Variants in DERA observed in about 807,000 individuals in gnomAD.
DERA encodes the protein 2-deoxy-D-ribose 5-phosphate aldolase.
DERA carries 15 observed loss-of-function variants against 41.1 expected under a neutral mutation model. The observed-to-expected ratio is 0.37, with a 90% CI of 0.24 to 0.56. DERA has a LOEUF of 0.56. Among genes scored for constraint, DERA ranks in the 20% least tolerant of loss-of-function variants. The probability of loss-of-function intolerance (pLI) is 0.81; values close to 1 mark genes in which losing one functional copy is unlikely to be tolerated. For synonymous variants in DERA, 139 were observed against 137.4 expected (o/e 1.01, Z -0.08); for missense variants, 396 against 403.4 (o/e 0.98, Z 0.16).
chr12:16,028,828 A>T (rs1179254460), intron 6 of DERA, among the ~76,000 whole-genome samples: 1 of 152,206 alleles, frequency 6.6e-6, no homozygotes, highest in Non-Finnish European at 1.5e-5. Flanking sequence ...GTACTTTCAA[A>T]ACTGTCAAGA....
At position 15,943,605 on chromosome 12, in the gene DERA, A is replaced by G. The variant is rs1456346934; in HGVS notation, c.32-13331A>G. Reference sequence around the variant, plus strand: ...ACACAGTACATGCCACACAGTACACACGGGTTTGAAACAGAACTTCCACGA... The same window carrying G: ...ACACAGTACATGCCACACAGTACACGCGGGTTTGAAACAGAACTTCCACGA... On this transcript the variant is annotated intron_variant, in intron 1 of 8. Coordinates refer to ENST00000428559, the MANE Select transcript of DERA (RefSeq NM_015954.4). The surrounding 1 kb of genome is among the most constrained non-coding windows in gnomAD (Gnocchi z 4.5). 6.6e-6 allele frequency among the ~76,000 whole-genome samples: 1 copy of G among 152,076 alleles called. No homozygotes were observed. Among genetic ancestry groups the G allele is most frequent in the African/African-American group, 2.4e-5 (1 of 41,404 alleles).
chr12:15,961,174 G>A (rs1379485875), intron 4 of DERA, among the ~76,000 whole-genome samples: 4 of 152,334 alleles, frequency 2.6e-5, no homozygotes, highest in South Asian at 4.1e-4. Flanking sequence ...CCTGATAAAA[G>A]CCACACAAAA....
chr12:15,928,025 A>G lies in DERA; in HGVS notation c.31+16611A>G, dbSNP rs1257831454. ...GTTAAAACTTTTTAAATTGGAAAAT[A>G]ATAATTATCTATTTAGGGGATACAA... On this transcript the variant is annotated intron_variant, in intron 1 of 8. Transcript: ENST00000428559. This position sits in a 1 kb window ranked among gnomAD's most constrained non-coding sequence, Gnocchi z 4.6. Among the ~76,000 whole-genome samples the G allele has an allele frequency of 2.9e-5, 4 of 138,764 alleles. No homozygotes were observed. In the East Asian group the frequency reaches 7.9e-4, roughly 27 times the overall value. 91.0% of individuals were successfully genotyped at this position (138,764 alleles called of 152,430 possible). A position where few individuals can be genotyped will look rare whatever the true frequency, so the allele number is the denominator to read the frequency against.
intron 4 of DERA, among the ~76,000 whole-genome samples, chr12:15,961,291 G>GTA (rs1948585917): frequency 1.3e-5 from 2 of 152,162 alleles, no homozygotes; most frequent in South Asian, 4.1e-4. Flanking sequence ...TGGTAAATGT[G>GTA]TATCTGTGTG....
intron 1 of DERA, among the ~76,000 whole-genome samples, chr12:15,944,632 C>T (rs1948433286): frequency 6.6e-6 from 1 of 152,196 alleles, no homozygotes; most frequent in African/African-American, 2.4e-5. Context: ...GATATTAGCC[C>T]TTTGTCAAAT....
At chr12:15,949,702 T>C (rs969554980) in intron 1 of DERA, among the ~76,000 whole-genome samples, 6 of 152,118 alleles carry the variant, frequency 3.9e-5, no homozygotes, top group Non-Finnish European at 8.8e-5. Context: ...CTGCACCCAC[T>C]GTCCTGCACC....
chr12:16,032,410 T>C, intron 6 of DERA, 132 bp from the exon 7 acceptor site: 1 of 593,288 alleles, frequency 1.7e-6, no homozygotes, highest in Non-Finnish European at 2.9e-6. Flanking sequence ...GTTTTAGTTT[T>C]TCCAATAATT....
rs1160183543 is a variant in DERA at position 16,019,865 on chromosome 12, A to G, written c.638-12677A>G. On this transcript the variant is annotated intron_variant, in intron 6 of 8. Coordinates refer to ENST00000428559, the MANE Select transcript of DERA (RefSeq NM_015954.4). The surrounding 1 kb of genome is among the most constrained non-coding windows in gnomAD (Gnocchi z 4.4). ...TGAAATGTGATTCCCAGTGTTAGAG[A>G]TGGGGCCTGGTGGGAGGGGATTGGA... Among the ~76,000 whole-genome samples, 1 of 152,100 alleles carries G rather than the reference A, an allele frequency of 6.6e-6. No individual in the cohort carries two copies. Among genetic ancestry groups the G allele is most frequent in the African/African-American group, 2.4e-5 (1 of 41,418 alleles).
chr12:15,946,264 C>T (rs1226891168), intron 1 of DERA, among the ~76,000 whole-genome samples: 1 of 152,146 alleles, frequency 6.6e-6, no homozygotes, highest in African/African-American at 2.4e-5. Context: ...GGGAGGATTC[C>T]CTCTTTTTCT....
intron 6 of DERA, among the ~76,000 whole-genome samples, chr12:16,005,255 G>A (rs1948901283): frequency 6.6e-6 from 1 of 152,050 alleles, no homozygotes; most frequent in Non-Finnish European, 1.5e-5. Flanking sequence ...ACCAGCCTGG[G>A]CAATGTAGGA....
In DERA at chr12:15,999,770, C is replaced by A. The variant is rs1376676900; in HGVS notation, c.637+17334C>A. 6.6e-6 allele frequency among the ~76,000 whole-genome samples: 1 copy of A among 152,078 alleles called. No homozygotes were observed. The highest frequency in any genetic ancestry group is 1.5e-5 in the Non-Finnish European group (1 of 68,014). ...TGAATGATTGACTGAGTAACTCATTCATTCATTCATTTATTCAGTCGTTAG... is the reference window on the plus strand; with the variant it reads ...TGAATGATTGACTGAGTAACTCATTAATTCATTCATTTATTCAGTCGTTAG... On this transcript the variant is annotated intron_variant, in intron 6 of 8. Coordinates refer to ENST00000428559, the MANE Select transcript of DERA (RefSeq NM_015954.4). The surrounding 1 kb of genome is among the most constrained non-coding windows in gnomAD (Gnocchi z 5.3).
Position 15,986,676 on chromosome 12 carries a change from A to G in DERA, c.637+4240A>G, listed in dbSNP as rs575891377. 3.8e-4 allele frequency among the ~76,000 whole-genome samples: 58 copies of G among 152,040 alleles called. 2 individuals are homozygous for G. In the South Asian group the frequency reaches 0.01, roughly 27 times the overall value. On this transcript the variant is annotated intron_variant, in intron 6 of 8. Transcript: ENST00000428559. ...TATATATTACAAACCTCTTACTACA[A>G]TGATACGAATTTTTAACAGTCACTT...
rs1565588727 is a variant in DERA at position 15,936,936 on chromosome 12, T to TCCCG, written c.32-20000_32-19999insCCCG. 0.039 allele frequency among the ~76,000 whole-genome samples: 4,540 copies of TCCCG among 117,018 alleles called. 147 individuals are homozygous for TCCCG. The highest frequency in any genetic ancestry group is 0.056 in the Middle Eastern group (12 of 216). The allele number at this position is 117,018 out of a possible 152,430, so 76.8% of individuals were successfully genotyped here. A position where few individuals can be genotyped will look rare whatever the true frequency, so the allele number is the denominator to read the frequency against. ...CTGTCCTGTCCTGTCCTGTCCTGTC[T>TCCCG]TGTCCTGTCCCGTCCTGTCCTGCCC... On this transcript the variant is annotated intron_variant, in intron 1 of 8. Coordinates refer to ENST00000428559, the MANE Select transcript of DERA (RefSeq NM_015954.4). This position sits in a 1 kb window ranked among gnomAD's most constrained non-coding sequence, Gnocchi z 4.6.
intron 6 of DERA, among the ~76,000 whole-genome samples, chr12:16,025,271 T>TA (rs1949045803): frequency 6.6e-6 from 1 of 152,058 alleles, no homozygotes; most frequent in Non-Finnish European, 1.5e-5. Context: ...ATAGAGATGA[T>TA]AAAAAATCAA....
At chr12:15,945,396 TTGA>T (rs1017028642) in intron 1 of DERA, among the ~76,000 whole-genome samples, 9 of 152,330 alleles carry the variant, frequency 5.9e-5, no homozygotes, top group Middle Eastern at 3.4e-3. Context: ...TGTGTCCTCT[TTGA>T]TTTCGTTGAG....
intron 1 of DERA, among the ~76,000 whole-genome samples, chr12:15,946,998 A>C (rs1379886613): frequency 3.3e-5 from 5 of 152,216 alleles, no homozygotes; most frequent in African/African-American, 1.2e-4. Flanking sequence ...GTAGTTATTC[A>C]GGAGCAGGTT....
chr12:16,019,083 C>G lies in DERA; in HGVS notation c.638-13459C>G, dbSNP rs12301055. On this transcript the variant is annotated intron_variant, in intron 6 of 8. Transcript: ENST00000428559. The surrounding 1 kb of genome is among the most constrained non-coding windows in gnomAD (Gnocchi z 4.4). ...GTAGTGCTGTGTGGTGTTGGTAATT[C>G]AAAATGTAGCATTTATTTCTCTAAA... 0.073 allele frequency among the ~76,000 whole-genome samples: 11,111 copies of G among 152,202 alleles called. 567 individuals are homozygous for G. The highest frequency in any genetic ancestry group is 0.11 in the Non-Finnish European group (7,796 of 67,972).
chr12:15,936,959 C>CCTGTCCCGTCCTGT lies in DERA; in HGVS notation c.32-19976_32-19975insTGTCCCGTCCTGTC, dbSNP rs1565588788. On this transcript the variant is annotated intron_variant, in intron 1 of 8. Coordinates refer to ENST00000428559, the MANE Select transcript of DERA (RefSeq NM_015954.4). This position sits in a 1 kb window ranked among gnomAD's most constrained non-coding sequence, Gnocchi z 4.6. The stretch of plus-strand genomic sequence containing the variant: ...TCTTGTCCTGTCCCGTCCTGTCCTG[C>CCTGTCCCGTCCTGT]CCTGCCCTGCCCTGTCTTGTCTTTC... Among the ~76,000 whole-genome samples the CCTGTCCCGTCCTGT allele has an allele frequency of 7.2e-6, 1 of 139,772 alleles. No homozygotes were observed. Among genetic ancestry groups the CCTGTCCCGTCCTGT allele is most frequent in the African/African-American group, 3.0e-5 (1 of 33,454 alleles). 91.7% of individuals were successfully genotyped at this position (139,772 alleles called of 152,430 possible).
rs183926856 is a variant in DERA, at chr12:15,967,994, G to A, written c.508+5047G>A. ...GTGAGGGAGGAATAGGCTTCTAAAT[G>A]GGGAAAATCCCTCCAGGTGATTTTG... On this transcript the variant is annotated intron_variant, in intron 5 of 8. Transcript: ENST00000428559. The surrounding 1 kb of genome is among the most constrained non-coding windows in gnomAD (Gnocchi z 4.9). Among the ~76,000 whole-genome samples, 2 of 152,112 alleles carry A rather than the reference G, an allele frequency of 1.3e-5. No homozygotes were observed. Among genetic ancestry groups the A allele is most frequent in the East Asian group, 3.9e-4 (2 of 5,180 alleles).
Sources: allele counts gnomAD v4.1 joint callset (sites outside exome capture counted in the v4.1 genomes callset), GRCh38; gene constraint gnomAD v4.1.1; non-coding constraint Gnocchi (gnomAD v3.1); transcripts MANE v1.5; gene names NCBI Gene and HGNC (gene_info 2026-07-23, HGNC 2026-07-21).